The following LPAR3 variants were observed in gnomAD, a reference collection of about 807,000 sequenced individuals.
LPAR3 encodes LPA receptor 3.
A neutral mutation model predicts 17.8 loss-of-function variants in LPAR3; 7 were observed. The ratio of observed to expected loss-of-function variants is 0.39; its 90% CI spans 0.22 to 0.74. LPAR3 has a LOEUF of 0.74. LPAR3 is among the 30% of genes least tolerant of loss of function. The probability of loss-of-function intolerance (pLI) is 0.40; values close to 1 mark genes in which losing one functional copy is unlikely to be tolerated. For synonymous variants in LPAR3, 179 were observed against 179.9 expected (o/e 0.99, Z 0.04); for missense variants, 391 against 453.4 (o/e 0.86, Z 1.25).
At chr1:84,814,661 A>T (rs951102775) in intron 2 of LPAR3, among the ~76,000 whole-genome samples, 1 of 152,216 alleles carries the variant, frequency 6.6e-6, no homozygotes, top group African/African-American at 2.4e-5. Context: ...GCTCTTGAAA[A>T]TAAGACACAA....
intron 2 of LPAR3, among the ~76,000 whole-genome samples, chr1:84,817,178 CA>C (rs1279166147): frequency 6.6e-6 from 1 of 151,938 alleles, no homozygotes; most frequent in African/African-American, 2.4e-5. Context: ...GCTAAATACT[CA>C]AAAGACATTC....
At chr1:84,840,378 A>G (rs1659483534) in intron 2 of LPAR3, among the ~76,000 whole-genome samples, 2 of 152,224 alleles carry the variant, frequency 1.3e-5, no homozygotes, top group Admixed American at 6.5e-5. Flanking sequence ...ATTAAATATC[A>G]TCACCCCAAA....
At chr1:84,835,570 A>G (rs1659386779) in intron 2 of LPAR3, among the ~76,000 whole-genome samples, 3 of 152,176 alleles carry the variant, frequency 2.0e-5, no homozygotes, top group African/African-American at 7.2e-5. Context: ...GTTGATGGCT[A>G]TTTAGATCTG....
Position 84,865,578 on chromosome 1 carries a change from G to T in LPAR3, c.543C>A (p.Pro181=). ...CNISACSSLA[P]IYSRSYLVFW... The stretch of plus-strand genomic sequence containing the variant: ...AAACAAGGTAACTCCTGCTGTAAAT[G>T]GGGGCCAGGGAAGAGCAGGCAGAGA... Residue 181 remains proline, a synonymous_variant, in exon 2 of 3, where the codon CCC becomes CCA. Coordinates refer to ENST00000370611, the MANE Select transcript of LPAR3 (RefSeq NM_012152.3). The T allele has an allele frequency of 6.2e-7, 1 of 1,614,214 alleles. No homozygotes were observed. The highest frequency in any genetic ancestry group is 1.1e-5 in the South Asian group (1 of 91,084).
At chr1:84,856,335 C>G (rs1372677509) in intron 2 of LPAR3, among the ~76,000 whole-genome samples, 1 of 152,190 alleles carries the variant, frequency 6.6e-6, no homozygotes, top group Admixed American at 6.5e-5. Context: ...CAAGAGAGCC[C>G]CTGTGTGCCA....
chr1:84,829,591 G>A (rs566556297), intron 2 of LPAR3, among the ~76,000 whole-genome samples: 5 of 152,090 alleles, frequency 3.3e-5, no homozygotes, highest in African/African-American at 7.2e-5. Flanking sequence ...TGAATGGCAT[G>A]GGCCTATAGG....
At chr1:84,864,190 T>C (rs999182009) in intron 2 of LPAR3, among the ~76,000 whole-genome samples, 1 of 150,278 alleles carries the variant, frequency 6.7e-6, no homozygotes, top group African/African-American at 2.5e-5. Flanking sequence ...ATAGCCTAGA[T>C]GACAGAGCCA....
chr1:84,814,158 T>C lies in LPAR3; in HGVS notation c.750A>G (p.Val250=), dbSNP rs201814849. The change falls in exon 3 of 3, where the codon GTA becomes GTG. Residue 250 remains valine (V), a synonymous_variant. Coordinates refer to ENST00000370611, the MANE Select transcript of LPAR3 (RefSeq NM_012152.3). ...TVMTVLGAFV[V]CWTPGLVVLL... ...GAACCACCAGGCCCGGGGTCCAGCA[T>C]ACCACAAACGCCCCTGCAAGGAGAG... The C allele has an allele frequency of 5.6e-6, 9 of 1,613,790 alleles. No homozygotes were observed. The highest frequency in any genetic ancestry group is 4.5e-5 in the East Asian group (2 of 44,858).
intron 2 of LPAR3, among the ~76,000 whole-genome samples, chr1:84,858,458 C>T (rs1228553767): frequency 6.9e-6 from 1 of 144,572 alleles, no homozygotes; most frequent in Non-Finnish European, 1.5e-5. Flanking sequence ...AAACTCCAGC[C>T]TTGGGCGACA....
intron 2 of LPAR3, among the ~76,000 whole-genome samples, chr1:84,817,178 CAA>C (rs1279166147): frequency 6.6e-6 from 1 of 151,938 alleles, no homozygotes. Context: ...GCTAAATACT[CAA>C]AAGACATTCC....
intron 2 of LPAR3, among the ~76,000 whole-genome samples, chr1:84,821,432 A>T (rs1659051901): frequency 6.6e-6 from 1 of 152,222 alleles, no homozygotes; most frequent in Non-Finnish European, 1.5e-5. Flanking sequence ...GGATGTGAAC[A>T]AATCTTATAT....
At chr1:84,825,043 C>A (rs1223484748) in intron 2 of LPAR3, among the ~76,000 whole-genome samples, 1 of 152,224 alleles carries the variant, frequency 6.6e-6, no homozygotes, top group Non-Finnish European at 1.5e-5. Flanking sequence ...CATTCTATTT[C>A]TCTGCTCCCA....
intron 2 of LPAR3, among the ~76,000 whole-genome samples, chr1:84,833,220 T>C (rs1570867200): frequency 6.6e-6 from 1 of 152,194 alleles, no homozygotes; most frequent in East Asian, 1.9e-4. Flanking sequence ...CTTTAGACTT[T>C]CCTGCTGCCC....
chr1:84,892,510 C>T (rs1660571876), intron 1 of LPAR3, among the ~76,000 whole-genome samples: 1 of 152,190 alleles, frequency 6.6e-6, no homozygotes, highest in South Asian at 2.1e-4. Context: ...GTTACTAGTT[C>T]CCGAATCTCT....
chr1:84,849,132 T>G (rs1333720683), intron 2 of LPAR3, among the ~76,000 whole-genome samples: 9 of 151,994 alleles, frequency 5.9e-5, no homozygotes, highest in Non-Finnish European at 1.3e-4. Flanking sequence ...ATCCTAGCAC[T>G]TTGGGAGGCT....
At chr1:84,850,587 T>G (rs2102758691) in intron 2 of LPAR3, among the ~76,000 whole-genome samples, 1 of 151,958 alleles carries the variant, frequency 6.6e-6, no homozygotes, top group East Asian at 1.9e-4. Flanking sequence ...AGATGTTGCC[T>G]TGAAAGGGAA....
At chr1:84,876,662 G>A (rs746201121) in intron 1 of LPAR3, among the ~76,000 whole-genome samples, 3 of 152,240 alleles carry the variant, frequency 2.0e-5, no homozygotes, top group Non-Finnish European at 2.9e-5. Flanking sequence ...CCGCCGCTCC[G>A]GTTACCAGGT....
In LPAR3 at chr1:84,881,150, C is replaced by T. The variant is rs897251325; in HGVS notation, c.-19+11866G>A. On this transcript the variant is annotated intron_variant, in intron 1 of 2. Coordinates refer to ENST00000370611, the MANE Select transcript of LPAR3 (RefSeq NM_012152.3). Reference sequence around the variant, plus strand: ...AGAGGTTAGAGAAGGGATAGCCAGACCTGTGGAGTTCTGGGGTCACCTGCA... The same window carrying T: ...AGAGGTTAGAGAAGGGATAGCCAGATCTGTGGAGTTCTGGGGTCACCTGCA... Among the ~76,000 whole-genome samples, 5 of 152,064 alleles carry T rather than the reference C, an allele frequency of 3.3e-5. No individual in the cohort carries two copies. In the South Asian group the frequency reaches 1.0e-3, roughly 32 times the overall value.
chr1:84,856,001 GGTCATCTCAGTCCCCACGTTCCCC>G (rs1428441115), intron 2 of LPAR3, among the ~76,000 whole-genome samples: 1 of 152,134 alleles, frequency 6.6e-6, no homozygotes, highest in East Asian at 1.9e-4. Flanking sequence ...CAGACACTGA[GGTCATCTCAGTCCCCACGTTCCCC>G]GTCAGAACAG....
Sources: allele counts gnomAD v4.1 joint callset (sites outside exome capture counted in the v4.1 genomes callset), GRCh38; gene constraint gnomAD v4.1.1; transcripts MANE v1.5; gene names NCBI Gene and HGNC (gene_info 2026-07-23, HGNC 2026-07-21).